CEP112: variants seen among roughly 807,000 people sequenced by gnomAD.
The protein encoded by CEP112 is centrosomal protein of 112 kDa.
In CEP112, 127 loss-of-function variants were observed where a neutral mutation model predicts 153.0. The ratio of observed to expected loss-of-function variants is 0.83; its 90% confidence interval spans 0.72 to 0.96. CEP112 has a LOEUF of 0.96. Ranked by LOEUF, CEP112 falls within the 40% of genes least tolerant of loss-of-function variation. The pLI is 0.00. For missense variants in CEP112, 1,089 were observed against 1,101.2 expected (o/e 0.99, Z 0.16); for synonymous variants, 358 against 374.4 (o/e 0.96, Z 0.51).
chr17:65,677,746 C>T (rs2047307126), intron 24 of CEP112, among the ~76,000 whole-genome samples: 1 of 152,000 alleles, frequency 6.6e-6, no homozygotes, highest in African/African-American at 2.4e-5. Flanking sequence ...AACCAGGTCT[C>T]TATTAAAAAT....
chr17:66,133,869 A>G (rs935275277), intron 4 of CEP112, among the ~76,000 whole-genome samples: 2 of 152,218 alleles, frequency 1.3e-5, no homozygotes, highest in Non-Finnish European at 2.9e-5. Context: ...TCACAGAATA[A>G]CATTCCTTAG....
intron 23 of CEP112, among the ~76,000 whole-genome samples, chr17:65,690,113 C>CAAAAAA (rs67399289): frequency 1.6e-5 from 1 of 62,578 alleles, no homozygotes; most frequent in African/African-American, 6.1e-5. Flanking sequence ...GAAAACAGAC[C>CAAAAAA]AAAAAAAAAA....
At chr17:65,785,657 AT>A in intron 21 of CEP112, among the ~76,000 whole-genome samples, 1 of 151,904 alleles carries the variant, frequency 6.6e-6, no homozygotes, top group East Asian at 1.9e-4. Flanking sequence ...TTCCTTTGTC[AT>A]TTGTGCTTTT....
In CEP112 at chr17:66,189,579, AC is replaced by A. The variant is rs535496703; in HGVS notation, c.-9+2417del. On this transcript the variant is annotated intron_variant, in intron 1 of 26. Transcript: ENST00000535342. The stretch of plus-strand genomic sequence containing the variant: ...ATATTGACATGCAATATTGAAGTAT[AC>A]ATTTAAAAAAAAAACTAAAGAATCA... Among the ~76,000 whole-genome samples, 136 of 151,704 alleles carry A rather than the reference AC, an allele frequency of 9.0e-4. 1 individual carries two copies. Among genetic ancestry groups the A allele is most frequent in the African/African-American group, 3.1e-3 (130 of 41,402 alleles).
At chr17:65,909,430 T>C (rs535289841) in intron 19 of CEP112, among the ~76,000 whole-genome samples, 12 of 152,252 alleles carry the variant, frequency 7.9e-5, no homozygotes, top group African/African-American at 2.6e-4. Context: ...CTTAAGTGAA[T>C]AGAAATATGA....
intron 23 of CEP112, among the ~76,000 whole-genome samples, chr17:65,730,361 C>G (rs1274941703): frequency 6.6e-6 from 1 of 152,162 alleles, no homozygotes; most frequent in African/African-American, 2.4e-5. Context: ...ACAGCATATC[C>G]AAGCCTATCT....
Position 65,635,744 on chromosome 17 carries a change from A to C in CEP112, c.*227T>G. ...CTCAGCACATACTCAAATGCACACA[A>C]ACATGAAAATCGGAAATAAAGGAAT... On this transcript the variant is annotated 3_prime_UTR_variant, in exon 27 of 27. Coordinates refer to ENST00000535342, the MANE Select transcript of CEP112 (RefSeq NM_001199165.4). 2 of 570,014 alleles carry C rather than the reference A, an allele frequency of 3.5e-6. No individual in the cohort carries two copies. The highest frequency in any genetic ancestry group is 6.1e-6 in the Non-Finnish European group (2 of 325,598). 35.3% of individuals were successfully genotyped at this position (570,014 alleles called of 1,614,324 possible). A position where few individuals can be genotyped will look rare whatever the true frequency, so the allele number is the denominator to read the frequency against.
intron 20 of CEP112, among the ~76,000 whole-genome samples, chr17:65,896,187 C>T (rs2059652297): frequency 6.6e-6 from 1 of 152,090 alleles, no homozygotes; most frequent in Admixed American, 6.6e-5. Context: ...GTAACTGCCA[C>T]ATTTTAAAAA....
At chr17:66,002,428 G>T (rs950066373) in intron 17 of CEP112, among the ~76,000 whole-genome samples, 1 of 152,096 alleles carries the variant, frequency 6.6e-6, no homozygotes, top group Non-Finnish European at 1.5e-5. Context: ...TAGGAGAAAA[G>T]GAAAGGTATT....
At chr17:65,881,551 G>A (rs913667460) in intron 20 of CEP112, among the ~76,000 whole-genome samples, 1 of 152,092 alleles carries the variant, frequency 6.6e-6, no homozygotes, top group African/African-American at 2.4e-5. Context: ...AGAGGTTTCT[G>A]AAGATGATCT....
intron 8 of CEP112, among the ~76,000 whole-genome samples, chr17:66,092,141 G>T (rs966177485): frequency 2.0e-5 from 3 of 151,034 alleles, no homozygotes; most frequent in Non-Finnish European, 2.9e-5. Context: ...CCAGGTTCAA[G>T]CGATTCTCCT....
chr17:65,891,211 C>T (rs901149808), intron 20 of CEP112, among the ~76,000 whole-genome samples: 1 of 151,994 alleles, frequency 6.6e-6, no homozygotes, highest in East Asian at 1.9e-4. Flanking sequence ...GTTTATAGAG[C>T]CAGTAAATGA....
chr17:65,845,898 T>C (rs903925577), intron 21 of CEP112, among the ~76,000 whole-genome samples: 7 of 152,240 alleles, frequency 4.6e-5, no homozygotes, highest in East Asian at 1.9e-4. Flanking sequence ...CTCAAAATCA[T>C]TGAAGATATC....
intron 11 of CEP112, among the ~76,000 whole-genome samples, chr17:66,055,625 T>C (rs2066648588): frequency 6.6e-6 from 1 of 152,180 alleles, no homozygotes; most frequent in South Asian, 2.1e-4. Flanking sequence ...CTAGAACATA[T>C]GCCTGCCGAA....
chr17:66,012,508 A>G (rs1452571454), intron 16 of CEP112, among the ~76,000 whole-genome samples: 1 of 152,174 alleles, frequency 6.6e-6, no homozygotes, highest in Non-Finnish European at 1.5e-5. Flanking sequence ...CTGGGACATA[A>G]AACTCTTGGC....
chr17:66,145,449 C>T (rs886952625), intron 4 of CEP112, among the ~76,000 whole-genome samples: 4 of 151,962 alleles, frequency 2.6e-5, no homozygotes, highest in African/African-American at 9.7e-5. Flanking sequence ...GAAATCTTTG[C>T]CTGTTCCAAC....
intron 23 of CEP112, among the ~76,000 whole-genome samples, chr17:65,704,176 T>A (rs778001737): frequency 2.6e-5 from 4 of 152,028 alleles, no homozygotes; most frequent in Non-Finnish European, 5.9e-5. Context: ...CACCAAGGAT[T>A]GCTGGGAAAC....
chr17:66,029,774 A>T, intron 13 of CEP112, 95 bp downstream of exon 13: 1 of 1,030,424 alleles, frequency 9.7e-7, no homozygotes, highest in Non-Finnish European at 1.4e-6. Flanking sequence ...CCAAGGCTAA[A>T]CGCACAAGGT....
At chr17:65,715,486 C>T (rs1225027406) in intron 23 of CEP112, among the ~76,000 whole-genome samples, 3 of 151,806 alleles carry the variant, frequency 2.0e-5, no homozygotes, top group South Asian at 2.1e-4. Flanking sequence ...AGTCTTGCTC[C>T]GTCGCTCAGG....
Sources: gnomAD v4.1 joint callset for allele counts (sites outside exome capture counted in the v4.1 genomes callset) on GRCh38, gnomAD v4.1.1 for gene constraint, MANE v1.5 for transcripts, NCBI Gene and HGNC (gene_info 2026-07-23, HGNC 2026-07-21) for gene names.